CACNA2D3: variants seen among roughly 807,000 people sequenced by gnomAD.
CACNA2D3 encodes the protein calcium voltage-gated channel auxiliary subunit alpha2delta 3.
A neutral mutation model predicts 160.6 loss-of-function variants in CACNA2D3; 60 were observed. The ratio of observed to expected loss-of-function variants is 0.37; its 90% CI spans 0.30 to 0.46. The LOEUF is 0.46. CACNA2D3 is among the 20% of genes least tolerant of loss of function. The probability of loss-of-function intolerance (pLI) is 1.00; values close to 1 mark genes in which losing one functional copy is unlikely to be tolerated. For missense variants in CACNA2D3, 1,205 were observed against 1,365.0 expected (o/e 0.88, Z 1.85); for synonymous variants, 558 against 492.9 (o/e 1.13, Z -1.75).
intron 9 of CACNA2D3, among the ~76,000 whole-genome samples, chr3:54,622,132 C>G (rs553617686): frequency 6.6e-6 from 1 of 152,156 alleles, no homozygotes; most frequent in Non-Finnish European, 1.5e-5. Flanking sequence ...ACTACCCCAC[C>G]CACTACTCAG....
intron 5 of CACNA2D3, among the ~76,000 whole-genome samples, chr3:54,523,731 C>T (rs953042080): frequency 1.3e-5 from 2 of 151,902 alleles, no homozygotes; most frequent in African/African-American, 2.4e-5. Flanking sequence ...GGTCACTTTT[C>T]GTGGTTTGTG....
At chr3:55,026,338 C>T (rs1250170352) in intron 35 of CACNA2D3, among the ~76,000 whole-genome samples, 2 of 152,208 alleles carry the variant, frequency 1.3e-5, no homozygotes, top group Non-Finnish European at 2.9e-5. Flanking sequence ...TAGCTCAGGA[C>T]TTGAGTAAAC....
At position 54,226,211 on chromosome 3, in the gene CACNA2D3, C is replaced by T. The variant is rs1701668662; in HGVS notation, c.205-94231C>T. Among the ~76,000 whole-genome samples, 4 of 152,064 alleles carry T rather than the reference C, an allele frequency of 2.6e-5. No individual in the cohort carries two copies. The South Asian group carries it at 8.3e-4, about 32-fold the overall frequency. On this transcript the variant is annotated intron_variant, in intron 2 of 37. Coordinates refer to ENST00000474759, the MANE Select transcript of CACNA2D3 (RefSeq NM_018398.3). ...AGTTAAGCTGTGCTGCCTCTCTAAC[C>T]ATGATACTTGTCCCAGGTAAATATC...
intron 11 of CACNA2D3, among the ~76,000 whole-genome samples, chr3:54,736,484 A>C (rs1055610078): frequency 6.6e-6 from 1 of 152,134 alleles, no homozygotes; most frequent in Non-Finnish European, 1.5e-5. Context: ...TAAAATATTT[A>C]ATAGATGTGG....
At chr3:54,703,642 A>T (rs1700806769) in intron 11 of CACNA2D3, among the ~76,000 whole-genome samples, 1 of 152,216 alleles carries the variant, frequency 6.6e-6, no homozygotes, top group East Asian at 1.9e-4. Flanking sequence ...CATCTTTGTA[A>T]GGTCTCATTT....
In CACNA2D3 at chr3:54,922,337, T is replaced by A. The variant is rs562185957; in HGVS notation, c.2449+22469T>A. 9.1e-3 allele frequency among the ~76,000 whole-genome samples: 1,367 copies of A among 150,860 alleles called. 11 individuals carry two copies. Among genetic ancestry groups the A allele is most frequent in the Non-Finnish European group, 0.014 (927 of 67,866 alleles). On this transcript the variant is annotated intron_variant, in intron 27 of 37. Transcript: ENST00000474759. ...CCTGGGAACTTTTTTTTTTTTTTTTTAATCAAGAAATGTTCTTTAATGAAA... is the reference window on the plus strand; with the variant it reads ...CCTGGGAACTTTTTTTTTTTTTTTTAAATCAAGAAATGTTCTTTAATGAAA...
At chr3:54,574,022 T>G (rs1042726210) in intron 8 of CACNA2D3, among the ~76,000 whole-genome samples, 2 of 152,138 alleles carry the variant, frequency 1.3e-5, no homozygotes, top group Non-Finnish European at 2.9e-5. Context: ...ATGGGATATT[T>G]GAAACGCCAT....
intron 10 of CACNA2D3, among the ~76,000 whole-genome samples, chr3:54,640,863 A>G (rs943595717): frequency 1.3e-5 from 2 of 152,192 alleles, no homozygotes; most frequent in African/African-American, 4.8e-5. Flanking sequence ...TTGTCTCTCA[A>G]GTAGCCCATT....
chr3:54,649,659 C>G (rs1575405430), intron 11 of CACNA2D3, among the ~76,000 whole-genome samples: 1 of 152,180 alleles, frequency 6.6e-6, no homozygotes. Flanking sequence ...AGGAAGCAAG[C>G]TCTCTCATGA....
At chr3:54,204,260 A>C (rs1701230070) in intron 2 of CACNA2D3, among the ~76,000 whole-genome samples, 1 of 152,138 alleles carries the variant, frequency 6.6e-6, no homozygotes, top group Non-Finnish European at 1.5e-5. Flanking sequence ...AATTCCTCAT[A>C]ATAAATCTCC....
At chr3:54,690,671 A>G (rs1417651012) in intron 11 of CACNA2D3, among the ~76,000 whole-genome samples, 3 of 152,194 alleles carry the variant, frequency 2.0e-5, no homozygotes, top group Non-Finnish European at 2.9e-5. Flanking sequence ...TTGATAACAG[A>G]ATTGTATCTG....
chr3:54,246,550 G>C (rs1016802835), intron 2 of CACNA2D3, among the ~76,000 whole-genome samples: 1 of 149,588 alleles, frequency 6.7e-6, no homozygotes, highest in Non-Finnish European at 1.5e-5. Flanking sequence ...AAAATTAGCC[G>C]GGCGTGGTTG....
At chr3:54,715,340 G>A (rs1481719729) in intron 11 of CACNA2D3, among the ~76,000 whole-genome samples, 1 of 152,140 alleles carries the variant, frequency 6.6e-6, no homozygotes, top group East Asian at 1.9e-4. Flanking sequence ...GGGGCACCAC[G>A]GAGCTCCCAT....
intron 35 of CACNA2D3, among the ~76,000 whole-genome samples, chr3:55,051,702 GC>G (rs1423706889): frequency 6.6e-6 from 1 of 152,128 alleles, no homozygotes; most frequent in Non-Finnish European, 1.5e-5. Context: ...CCCTCCCCCA[GC>G]CTCGCTGCCG....
At chr3:54,822,754 C>CTTTCTTTCTT (rs1703640865) in intron 14 of CACNA2D3, among the ~76,000 whole-genome samples, 1 of 77,512 alleles carries the variant, frequency 1.3e-5, no homozygotes, top group Non-Finnish European at 2.6e-5. Context: ...TTCTTTCTTT[C>CTTTCTTTCTT]TTTCTTTCTT....
chr3:54,850,870 TG>T lies in CACNA2D3; in HGVS notation c.1626+4406del, dbSNP rs1223221664. On this transcript the variant is annotated intron_variant, in intron 17 of 37. Transcript: ENST00000474759. ...TCTGGATGAAAATCTGCCAGTCACA[TG>T]GGTCACATATGTGGGAGTGGATGAG... 2.0e-5 allele frequency among the ~76,000 whole-genome samples: 3 copies of T among 152,188 alleles called. No homozygotes were observed. In the East Asian group the frequency reaches 5.8e-4, roughly 29 times the overall value.
intron 5 of CACNA2D3, among the ~76,000 whole-genome samples, chr3:54,512,130 A>T (rs1335122674): frequency 1.3e-5 from 2 of 152,194 alleles, no homozygotes; most frequent in South Asian, 2.1e-4. Context: ...CACGGTAGAG[A>T]CCAGTAGATG....
intron 2 of CACNA2D3, among the ~76,000 whole-genome samples, chr3:54,227,494 G>T (rs560078448): frequency 6.6e-6 from 1 of 151,190 alleles, no homozygotes; most frequent in South Asian, 2.1e-4. Flanking sequence ...AGAGTGAAGA[G>T]TGGAGAAATT....
intron 27 of CACNA2D3, among the ~76,000 whole-genome samples, chr3:54,956,772 T>G (rs759462598): frequency 2.6e-5 from 4 of 152,166 alleles, no homozygotes; most frequent in Middle Eastern, 3.2e-3. Flanking sequence ...TTTAGATGCA[T>G]TAATTGGTGC....
Sources: gnomAD v4.1 joint callset for allele counts (sites outside exome capture counted in the v4.1 genomes callset) on GRCh38, gnomAD v4.1.1 for gene constraint, MANE v1.5 for transcripts, NCBI Gene and HGNC (gene_info 2026-07-23, HGNC 2026-07-21) for gene names.